KAT2B: variants seen among roughly 807,000 people sequenced by gnomAD.
The protein encoded by KAT2B is histone acetyltransferase KAT2B.
In KAT2B, 36 loss-of-function variants were observed where a neutral mutation model predicts 105.9. The observed-to-expected ratio is 0.34, with a 90% confidence interval of 0.26 to 0.45. The LOEUF is 0.45. Among genes scored for constraint, KAT2B ranks in the 20% least tolerant of loss-of-function variants. The probability of loss-of-function intolerance (pLI) is 1.00; values close to 1 mark genes in which losing one functional copy is unlikely to be tolerated. For synonymous variants in KAT2B, 397 were observed against 377.9 expected, an observed-to-expected ratio of 1.05 and a Z score of -0.59; for missense variants, 820 against 1,021.6, an observed-to-expected ratio of 0.80 and a Z score of 2.69.
At chr3:20,106,266 G>A (rs939715591) in intron 5 of KAT2B, among the ~76,000 whole-genome samples, 1 of 152,170 alleles carries the variant, frequency 6.6e-6, no homozygotes, top group Non-Finnish European at 1.5e-5. Flanking sequence ...AAAAATGAAC[G>A]AACTATCATT....
rs1698789819 is a variant in KAT2B at position 20,095,307 on chromosome 3, A to G, written c.475A>G (p.Asn159Asp). ...GGAGAATGTGTCAGAGGAAGAAATG[A>G]ACAGACTCCTGGGAATAGTATTGGA... is the stretch of plus-strand genomic sequence containing the variant. ...HLENVSEEEM[N>D]RLLGIVLDVE... The change falls in exon 3 of 18, where the codon AAC (asparagine) becomes GAC (aspartate). Residue 159 changes from asparagine (N) to aspartate (D), a missense_variant. Physicochemically the swap from Asn to Asp is conservative, Grantham distance 23. Coordinates refer to ENST00000263754, the MANE Select transcript of KAT2B (RefSeq NM_003884.5). 1 of 1,610,788 alleles carries G rather than the reference A, an allele frequency of 6.2e-7. No individual in the cohort carries two copies. Among genetic ancestry groups the G allele is most frequent in the Non-Finnish European group, 8.5e-7 (1 of 1,177,028 alleles).
At chr3:20,124,198 TC>T (rs903882374) in intron 9 of KAT2B, among the ~76,000 whole-genome samples, 5 of 152,182 alleles carry the variant, frequency 3.3e-5, no homozygotes, top group Admixed American at 6.5e-5. Context: ...TAGGTTTTTT[TC>T]AGCTATAAAA....
intron 13 of KAT2B, among the ~76,000 whole-genome samples, chr3:20,143,638 C>CGCA (rs1699731022): frequency 6.6e-6 from 1 of 152,038 alleles, no homozygotes; most frequent in Non-Finnish European, 1.5e-5. Flanking sequence ...AATTCAGGTG[C>CGCA]CCATCAAAGG....
At chr3:20,111,478 TA>T in intron 5 of KAT2B, 117 bp from the exon 6 acceptor site, 5 of 758,562 alleles carry the variant, frequency 6.6e-6, no homozygotes, top group Non-Finnish European at 1.1e-5. Flanking sequence ...TGTTGCTTGT[TA>T]TTGCAGGCCT....
At chr3:20,149,832 A>G (rs1431571600) in intron 17 of KAT2B, among the ~76,000 whole-genome samples, 1 of 152,212 alleles carries the variant, frequency 6.6e-6, no homozygotes, top group Non-Finnish European at 1.5e-5. Flanking sequence ...TGTGCAAAAT[A>G]TGTTAAAACT....
chr3:20,152,353 G>T lies in KAT2B; in HGVS notation c.2327G>T (p.Arg776Leu), dbSNP rs776993968. The change falls in exon 18 of 18, where the codon CGC (arginine) becomes CTC (leucine). Residue 776 changes from arginine (R) to leucine (L), a missense_variant. By Grantham distance (102) the Arg-to-Leu change is moderately radical. Around this residue, in one of 6 missense-constraint regions of KAT2B, gnomAD observed 227 missense variants for 292.9 expected, o/e 0.77. Coordinates refer to ENST00000263754, the MANE Select transcript of KAT2B (RefSeq NM_003884.5). Reference sequence around the variant, plus strand: ...GCAGATCTGAAAACCATGAGTGAACGCCTCAAGAATAGGTACTACGTGTCT... The same window carrying T: ...GCAGATCTGAAAACCATGAGTGAACTCCTCAAGAATAGGTACTACGTGTCT... ...FPMDLKTMSE[R>L]LKNRYYVSKK... 6.2e-7 allele frequency: 1 copy of T among 1,611,904 alleles called. No individual in the cohort carries two copies. Among genetic ancestry groups the T allele is most frequent in the Non-Finnish European group, 8.5e-7 (1 of 1,178,772 alleles).
chr3:20,136,565 T>C (rs773379452), intron 11 of KAT2B, among the ~76,000 whole-genome samples: 2 of 152,144 alleles, frequency 1.3e-5, no homozygotes, highest in Admixed American at 6.5e-5. Flanking sequence ...GATTCTCAAA[T>C]ACCTTAAAGA....
At chr3:20,129,232 A>C (rs1319339977) in intron 11 of KAT2B, among the ~76,000 whole-genome samples, 2 of 152,088 alleles carry the variant, frequency 1.3e-5, no homozygotes, top group South Asian at 2.1e-4. Context: ...TATATTTTTA[A>C]AAAAGCAAGT....
In KAT2B at chr3:20,143,489, T is replaced by C. The variant is rs1299462070; in HGVS notation, c.2005-2827T>C. On this transcript the variant is annotated intron_variant, in intron 13 of 17. Transcript: ENST00000263754. Reference sequence around the variant, plus strand: ...AGCCGTTTGGAGATTTCTCAAAGAATTAAAAATAGAATTACCATTCCACAC... The same window carrying C: ...AGCCGTTTGGAGATTTCTCAAAGAACTAAAAATAGAATTACCATTCCACAC... 8.5e-5 allele frequency among the ~76,000 whole-genome samples: 13 copies of C among 152,084 alleles called. No individual in the cohort carries two copies. The East Asian group carries it at 2.5e-3, about 29-fold the overall frequency.
At chr3:20,070,259 A>G (rs1480532132) in intron 1 of KAT2B, among the ~76,000 whole-genome samples, 6 of 151,596 alleles carry the variant, frequency 4.0e-5, no homozygotes, top group Admixed American at 6.6e-5. Flanking sequence ...TTCTTCTACC[A>G]TGACCCTTCT....
chr3:20,119,562 G>A (rs1198997150), intron 7 of KAT2B, 36 bp from the exon 8 acceptor site: 1 of 1,612,652 alleles, frequency 6.2e-7, no homozygotes. Context: ...AAAGGAGTCA[G>A]TCATCTAACA....
intron 1 of KAT2B, among the ~76,000 whole-genome samples, chr3:20,049,459 A>G (rs1697875846): frequency 6.6e-6 from 1 of 152,150 alleles, no homozygotes; most frequent in African/African-American, 2.4e-5. Flanking sequence ...AGGTTAAGTG[A>G]CTTCTTCAAG....
At chr3:20,109,848 T>G (rs1356474295) in intron 5 of KAT2B, among the ~76,000 whole-genome samples, 2 of 152,090 alleles carry the variant, frequency 1.3e-5, no homozygotes, top group Admixed American at 6.6e-5. Context: ...GTGTAAATTA[T>G]TAAAGGAAAA....
chr3:20,084,331 A>G (rs765247811), intron 2 of KAT2B, among the ~76,000 whole-genome samples: 2 of 152,018 alleles, frequency 1.3e-5, no homozygotes, highest in Non-Finnish European at 2.9e-5. Context: ...TTCTCATACA[A>G]TATTCTCCTG....
At chr3:20,092,296 T>A (rs1261054055) in intron 2 of KAT2B, among the ~76,000 whole-genome samples, 5 of 151,706 alleles carry the variant, frequency 3.3e-5, no homozygotes, top group African/African-American at 1.2e-4. Context: ...TGGCATGATC[T>A]AGGCTCACTG....
At chr3:20,107,605 C>G (rs944794022) in intron 5 of KAT2B, among the ~76,000 whole-genome samples, 2 of 143,350 alleles carry the variant, frequency 1.4e-5, no homozygotes, top group African/African-American at 5.2e-5. Flanking sequence ...TGCAGTGAGT[C>G]GAGATCATGC....
chr3:20,040,633 C>A lies in KAT2B; in HGVS notation c.156C>A (p.Cys52Ter). 1 of 1,376,780 alleles carries A rather than the reference C, an allele frequency of 7.3e-7. No homozygotes were observed. Among genetic ancestry groups the A allele is most frequent in the Non-Finnish European group, 9.4e-7 (1 of 1,068,068 alleles). The allele number at this position is 1,376,780 out of a possible 1,614,324, so 85.3% of individuals were successfully genotyped here. ...CTGCCGCCGGGGGCTCGGGCGCCTG[C>A]GGTCCGGCGACGGCAGTGGCTGCAG... is the stretch of plus-strand genomic sequence containing the variant. The part of the protein sequence containing the change: ...CAAAAGGSGA[C>*]GPATAVAAAG... Residue 52 changes from cysteine to a stop codon, truncating the protein, a stop_gained, in exon 1 of 18, where the codon TGC becomes TGA. Coordinates refer to ENST00000263754, the MANE Select transcript of KAT2B (RefSeq NM_003884.5). LOFTEE classifies it high-confidence loss of function.
intron 1 of KAT2B, among the ~76,000 whole-genome samples, chr3:20,048,984 T>C (rs1278681642): frequency 3.4e-5 from 5 of 148,840 alleles, no homozygotes; most frequent in Non-Finnish European, 6.0e-5. Context: ...GCCTCAGCCT[T>C]CCGAGTAGTT....
At chr3:20,136,179 T>C (rs1699596244) in intron 11 of KAT2B, among the ~76,000 whole-genome samples, 1 of 152,202 alleles carries the variant, frequency 6.6e-6, no homozygotes. Context: ...TGTGAAGATA[T>C]TTGGGTCTGG....
Sources: gnomAD v4.1 joint callset for allele counts (sites outside exome capture counted in the v4.1 genomes callset) on GRCh38, gnomAD v4.1.1 for gene constraint, gnomAD v4.1.1 regional missense constraint, MANE v1.5 for transcripts, NCBI Gene and HGNC (gene_info 2026-07-23, HGNC 2026-07-21) for gene names.